Variants in PRAMEF15 observed in about 807,000 individuals in gnomAD.
The protein encoded by PRAMEF15 is PRAME family member 15, also known as PRAME family member 9/15.
In PRAMEF15, 21 loss-of-function variants were observed where a neutral mutation model predicts 35.3. The observed-to-expected ratio is 0.59, with a 90% confidence interval of 0.42 to 0.86. PRAMEF15 has a LOEUF of 0.86. PRAMEF15 is among the 40% of genes least tolerant of loss of function. The pLI is 0.00. For synonymous variants in PRAMEF15, 122 were observed against 223.3 expected (o/e 0.55, Z 4.05); for missense variants, 360 against 574.1 (o/e 0.63, Z 3.81).
intron 1 of PRAMEF15, among the ~76,000 whole-genome samples, chr1:13,316,219 G>C (rs1352288904): frequency 4.0e-5 from 6 of 151,626 alleles, no homozygotes; most frequent in Non-Finnish European, 8.8e-5. Flanking sequence ...GGCCAGGTTG[G>C]TCTCGAACAC....
intron 3 of PRAMEF15, among the ~76,000 whole-genome samples, chr1:13,320,428 A>C (rs1640068807): frequency 6.6e-6 from 1 of 151,868 alleles, no homozygotes; most frequent in Non-Finnish European, 1.5e-5. Context: ...AAACAAGATA[A>C]CTTTTTTTTT....
intron 1 of PRAMEF15, among the ~76,000 whole-genome samples, chr1:13,317,334 T>C (rs1309381329): frequency 6.6e-6 from 1 of 151,952 alleles, no homozygotes; most frequent in Non-Finnish European, 1.5e-5. Flanking sequence ...CCTCACAAAA[T>C]GCTCAGATTA....
chr1:13,317,033 A>C lies in PRAMEF15; in HGVS notation c.-16-1359A>C, dbSNP rs1407208976. 3.2e-3 allele frequency among the ~76,000 whole-genome samples: 482 copies of C among 150,666 alleles called. 1 individual carries two copies. Among genetic ancestry groups the C allele is most frequent in the African/African-American group, 0.011 (463 of 40,646 alleles). ...TCTTTAAGAAAGCCAAAAATCCAAT[A>C]AGGATTAACTGGGTAGAGATTAAGA... On this transcript the variant is annotated intron_variant, in intron 1 of 3. Transcript: ENST00000376152.
In PRAMEF15 at chr1:13,318,587, C is replaced by G; in HGVS notation, c.180C>G (p.Ala60=). ...RCEALKLMVQ[A]WPFRRLPLRP... ...AGGCCCTGAAGCTGATGGTGCAGGC[C>G]TGGCCCTTCCGCCGCCTCCCTCTGA... The change falls in exon 2 of 4, where the codon GCC becomes GCG. Residue 60 remains alanine (A), a synonymous_variant. Coordinates refer to ENST00000376152, the MANE Select transcript of PRAMEF15 (RefSeq NM_001098376.3). 1.9e-6 allele frequency: 3 copies of G among 1,613,742 alleles called. No individual in the cohort carries two copies. The highest frequency in any genetic ancestry group is 2.5e-6 in the Non-Finnish European group (3 of 1,179,784).
At chr1:13,317,495 T>A (rs1403489180) in intron 1 of PRAMEF15, among the ~76,000 whole-genome samples, 2 of 146,924 alleles carry the variant, frequency 1.4e-5, no homozygotes, top group Non-Finnish European at 3.0e-5. Flanking sequence ...GAGGCTGGGG[T>A]GGAGGCTCAC....
chr1:13,316,116 C>G (rs2100312666), intron 1 of PRAMEF15, among the ~76,000 whole-genome samples: 1 of 151,618 alleles, frequency 6.6e-6, no homozygotes, highest in South Asian at 2.1e-4. Context: ...TCTCATGCCT[C>G]AGTCTCCATC....
intron 3 of PRAMEF15, among the ~76,000 whole-genome samples, chr1:13,320,994 A>G (rs1235203934): frequency 2.0e-5 from 3 of 152,070 alleles, no homozygotes; most frequent in African/African-American, 7.2e-5. Context: ...TGCTGATGAT[A>G]CAGGCATGTC....
chr1:13,319,275 C>A, intron 2 of PRAMEF15, 97 bp from the exon 3 acceptor site: 4 of 1,576,276 alleles, frequency 2.5e-6, no homozygotes, highest in South Asian at 2.2e-5. Flanking sequence ...GAGAGAGGGA[C>A]AACAAGCAGG....
At chr1:13,320,020 C>G in intron 3 of PRAMEF15, 67 bp downstream of exon 3, 2 of 1,606,822 alleles carry the variant, frequency 1.2e-6, no homozygotes, top group Non-Finnish European at 1.7e-6. Flanking sequence ...CACTAGTGGG[C>G]ATCTACTGTG....
At chr1:13,316,628 T>G (rs78360166) in intron 1 of PRAMEF15, among the ~76,000 whole-genome samples, 5 of 151,748 alleles carry the variant, frequency 3.3e-5, no homozygotes, top group African/African-American at 1.2e-4. Flanking sequence ...GCATTCCAGC[T>G]TGGGCGACGA....
chr1:13,319,124 G>T (rs1640045875), intron 2 of PRAMEF15, among the ~76,000 whole-genome samples: 1 of 151,426 alleles, frequency 6.6e-6, no homozygotes, highest in African/African-American at 2.4e-5. Context: ...AACCCGGGAA[G>T]CAGAGGTTGC....
intron 1 of PRAMEF15, among the ~76,000 whole-genome samples, chr1:13,317,802 A>T (rs1395286792): frequency 4.8e-5 from 7 of 146,308 alleles, no homozygotes; most frequent in Admixed American, 2.7e-4. Flanking sequence ...AGAGAGAGAA[A>T]GAGAGAGAGA....
intron 3 of PRAMEF15, 84 bp from the exon 4 acceptor site, chr1:13,321,619 A>C: frequency 1.5e-6 from 2 of 1,360,210 alleles, no homozygotes; most frequent in East Asian, 4.7e-5. Context: ...AAAGGTCTCC[A>C]TCCATTACCT....
rs1640060448 is a variant in PRAMEF15 at position 13,319,906 on chromosome 1, T to C, written c.828T>C (p.Tyr276=). The change falls in exon 3 of 4, where the codon TAT becomes TAC. Residue 276 remains tyrosine, a synonymous_variant. Transcript: ENST00000376152. ...AGCTGCGCTGCCTCCAAAAGCTTTA[T>C]ATGAACTCTGTTTCTTTCCTCGAAG... ...FLKLRCLQKL[Y]MNSVSFLEGH... is the part of the protein sequence containing the mutation. 6.2e-6 allele frequency: 10 copies of C among 1,609,434 alleles called. No individual in the cohort carries two copies. Among genetic ancestry groups the C allele is most frequent in the Admixed American group, 1.7e-5 (1 of 59,994 alleles).
chr1:13,320,806 A>T lies in PRAMEF15; in HGVS notation c.875+853A>T, dbSNP rs1435559396. Reference sequence around the variant, plus strand: ...AGGGGAATGCTCAGCAAACCTGCACATGTCAGAAAATCAGCTTTGTGCCCC... The same window carrying T: ...AGGGGAATGCTCAGCAAACCTGCACTTGTCAGAAAATCAGCTTTGTGCCCC... On this transcript the variant is annotated intron_variant, in intron 3 of 3. Coordinates refer to ENST00000376152, the MANE Select transcript of PRAMEF15 (RefSeq NM_001098376.3). Among the ~76,000 whole-genome samples the T allele has an allele frequency of 7.7e-3, 1,167 of 152,254 alleles. 11 individuals are homozygous for T. Among genetic ancestry groups the T allele is most frequent in the African/African-American group, 0.027 (1,119 of 41,528 alleles).
chr1:13,319,366 C>A lies in PRAMEF15; in HGVS notation c.294-6C>A. On this transcript the variant is annotated splice_polypyrimidine_tract_variant and splice_region_variant and intron_variant, in intron 2 of 3. Coordinates refer to ENST00000376152, the MANE Select transcript of PRAMEF15 (RefSeq NM_001098376.3). ...AATTCTCAGTCTCACCTCTATTTTG[C>A]CACAGGAGGTGGAAACTCCAAGTGC... The A allele has an allele frequency of 1.2e-6, 2 of 1,610,018 alleles. No homozygotes were observed. The highest frequency in any genetic ancestry group is 1.7e-6 in the Non-Finnish European group (2 of 1,179,756).
At chr1:13,316,610 G>T (rs1242337001) in intron 1 of PRAMEF15, among the ~76,000 whole-genome samples, 6 of 151,896 alleles carry the variant, frequency 4.0e-5, no homozygotes, top group Non-Finnish European at 8.8e-5. Context: ...AGCCAAGATG[G>T]TGCCACTGCA....
intron 2 of PRAMEF15, among the ~76,000 whole-genome samples, chr1:13,318,989 GT>G (rs1640043552): frequency 6.6e-6 from 1 of 151,978 alleles, no homozygotes. Context: ...GAGGTCAAGA[GT>G]TGGAGGCCAG....
At chr1:13,316,879 C>CAG (rs1467130494) in intron 1 of PRAMEF15, among the ~76,000 whole-genome samples, 41 of 150,958 alleles carry the variant, frequency 2.7e-4, no homozygotes, top group Non-Finnish European at 2.9e-5. Flanking sequence ...GTCTCACACT[C>CAG]AGGACTTTGA....
Sources: allele counts gnomAD v4.1 joint callset (sites outside exome capture counted in the v4.1 genomes callset), GRCh38; gene constraint gnomAD v4.1.1; transcripts MANE v1.5; gene names NCBI Gene and HGNC (gene_info 2026-07-23, HGNC 2026-07-21).